The following ADAMTS3 variants were observed in gnomAD, a reference collection of about 807,000 sequenced individuals.
ADAMTS3 encodes ADAM metallopeptidase with thrombospondin type 1 motif 3, also known as A disintegrin and metalloproteinase with thrombospondin motifs 3.
Under a neutral mutation model 129.0 loss-of-function variants are expected in ADAMTS3, and 73 were observed. The ratio of observed to expected loss-of-function variants is 0.57; its 90% CI spans 0.47 to 0.69. The LOEUF (loss-of-function observed/expected upper bound fraction) is 0.69, where lower values mean the gene tolerates loss of function less well. Ranked by LOEUF, ADAMTS3 falls within the 30% of genes least tolerant of loss-of-function variation. The pLI, the probability that ADAMTS3 is intolerant of heterozygous loss-of-function variation, is 0.00. For synonymous variants in ADAMTS3, 477 were observed against 510.8 expected (o/e 0.93, Z 0.89); for missense variants, 1,457 against 1,514.5 (o/e 0.96, Z 0.63).
At chr4:72,367,967 A>G (rs752767642) in intron 4 of ADAMTS3, among the ~76,000 whole-genome samples, 2 of 152,160 alleles carry the variant, frequency 1.3e-5, no homozygotes, top group Non-Finnish European at 2.9e-5. Flanking sequence ...GCATAATGTA[A>G]TTTAAAAAAC....
chr4:72,426,753 T>C (rs899850678), intron 3 of ADAMTS3, among the ~76,000 whole-genome samples: 1 of 151,946 alleles, frequency 6.6e-6, no homozygotes, highest in Non-Finnish European at 1.5e-5. Context: ...TCCAGGCATA[T>C]AGGCATGTAC....
chr4:72,517,578 T>C (rs1227218602), intron 3 of ADAMTS3, among the ~76,000 whole-genome samples: 1 of 152,232 alleles, frequency 6.6e-6, no homozygotes, highest in Non-Finnish European at 1.5e-5. Context: ...GGTGTATGTG[T>C]CAAGGAATTT....
chr4:72,432,719 T>C (rs1204960156), intron 3 of ADAMTS3, among the ~76,000 whole-genome samples: 2 of 151,988 alleles, frequency 1.3e-5, no homozygotes, highest in African/African-American at 2.4e-5. Context: ...GTCCTCTTCA[T>C]TGTATGCTGA....
intron 3 of ADAMTS3, among the ~76,000 whole-genome samples, chr4:72,513,202 T>G (rs191938160): frequency 1.9e-4 from 29 of 152,306 alleles, no homozygotes; most frequent in African/African-American, 6.7e-4. Flanking sequence ...AGATAAAATT[T>G]ATGTTTTCTA....
chr4:72,551,651 G>A (rs937435198), intron 2 of ADAMTS3, among the ~76,000 whole-genome samples: 1 of 152,102 alleles, frequency 6.6e-6, no homozygotes, highest in South Asian at 2.1e-4. Context: ...TCTATGATTT[G>A]TGTTTGAGAA....
chr4:72,461,041 G>A (rs56215320), intron 3 of ADAMTS3, among the ~76,000 whole-genome samples: 13,371 of 151,588 alleles, frequency 0.088, 1,035 homozygotes, highest in African/African-American at 0.21. Flanking sequence ...CATAAACTGA[G>A]TATGTTCTAC....
At chr4:72,463,188 A>T (rs1374603682) in intron 3 of ADAMTS3, among the ~76,000 whole-genome samples, 4 of 152,010 alleles carry the variant, frequency 2.6e-5, no homozygotes, top group Non-Finnish European at 5.9e-5. Context: ...GTAGCCTAGG[A>T]TCAATAGACT....
At chr4:72,325,776 T>C (rs1378874546) in intron 5 of ADAMTS3, among the ~76,000 whole-genome samples, 1 of 152,170 alleles carries the variant, frequency 6.6e-6, no homozygotes, top group Admixed American at 6.5e-5. Context: ...ACATCAATGC[T>C]ATAGGAAGCT....
At chr4:72,321,143 T>C (rs555595765) in intron 6 of ADAMTS3, among the ~76,000 whole-genome samples, 1 of 152,258 alleles carries the variant, frequency 6.6e-6, no homozygotes, top group Non-Finnish European at 1.5e-5. Context: ...ATTTTACCTG[T>C]GGGAAAGTCA....
At chr4:72,387,547 T>A (rs1721479329) in intron 4 of ADAMTS3, among the ~76,000 whole-genome samples, 1 of 152,172 alleles carries the variant, frequency 6.6e-6, no homozygotes, top group Non-Finnish European at 1.5e-5. Flanking sequence ...TCAAGCTACC[T>A]AGCAACTGAC....
chr4:72,500,391 C>T (rs1719984135), intron 3 of ADAMTS3, among the ~76,000 whole-genome samples: 1 of 151,880 alleles, frequency 6.6e-6, no homozygotes, highest in Non-Finnish European at 1.5e-5. Flanking sequence ...AGCATTTTTT[C>T]ACGTTTGTTG....
At chr4:72,314,345 T>C (rs1474391523) in intron 11 of ADAMTS3, among the ~76,000 whole-genome samples, 3 of 152,204 alleles carry the variant, frequency 2.0e-5, no homozygotes, top group African/African-American at 7.2e-5. Flanking sequence ...AGATGGGTCA[T>C]ACATATATCA....
At chr4:72,404,074 G>A (rs987156251) in intron 4 of ADAMTS3, among the ~76,000 whole-genome samples, 3 of 152,016 alleles carry the variant, frequency 2.0e-5, no homozygotes, top group Non-Finnish European at 4.4e-5. Context: ...TTGTTAAAAC[G>A]TCCATACTGC....
At chr4:72,560,381 A>G (rs1202791974) in intron 2 of ADAMTS3, among the ~76,000 whole-genome samples, 1 of 152,192 alleles carries the variant, frequency 6.6e-6, no homozygotes, top group Non-Finnish European at 1.5e-5. Context: ...GTTTCTACAC[A>G]ACAAAAATGT....
intron 2 of ADAMTS3, among the ~76,000 whole-genome samples, chr4:72,564,160 G>C (rs1287310434): frequency 6.6e-6 from 1 of 152,162 alleles, no homozygotes; most frequent in Non-Finnish European, 1.5e-5. Context: ...CCAATTCCAA[G>C]TGGGGTCGGG....
intron 3 of ADAMTS3, among the ~76,000 whole-genome samples, chr4:72,469,513 A>G (rs953676909): frequency 2.0e-5 from 3 of 152,116 alleles, no homozygotes; most frequent in Admixed American, 2.0e-4. Flanking sequence ...TCATTAGACG[A>G]CTAATAAAAT....
chr4:72,564,496 A>G (rs1308689577), intron 2 of ADAMTS3, among the ~76,000 whole-genome samples: 2 of 152,126 alleles, frequency 1.3e-5, no homozygotes, highest in Non-Finnish European at 2.9e-5. Flanking sequence ...ATATATACAG[A>G]AACATACTCA....
chr4:72,399,114 C>G (rs1199747661), intron 4 of ADAMTS3, among the ~76,000 whole-genome samples: 1 of 152,104 alleles, frequency 6.6e-6, no homozygotes, highest in African/African-American at 2.4e-5. Flanking sequence ...ACTTTATTAT[C>G]TAATTAAAAA....
intron 4 of ADAMTS3, among the ~76,000 whole-genome samples, chr4:72,400,126 G>A (rs1423170669): frequency 8.1e-6 from 1 of 123,534 alleles, no homozygotes. Context: ...GTGTATATAC[G>A]TGTGTATATA....
Sources: gnomAD v4.1 joint callset for allele counts (sites outside exome capture counted in the v4.1 genomes callset) on GRCh38, gnomAD v4.1.1 for gene constraint, MANE v1.5 for transcripts, NCBI Gene and HGNC (gene_info 2026-07-23, HGNC 2026-07-21) for gene names.